The following NFE2L3 variants were observed in gnomAD, a reference collection of about 807,000 sequenced individuals.
NFE2L3 encodes the protein NFE2 like bZIP transcription factor 3.
In NFE2L3, 18 loss-of-function variants were observed where a neutral mutation model predicts 23.5. The observed-to-expected ratio is 0.77, with a 90% CI of 0.53 to 1.13. NFE2L3 has a LOEUF of 1.13. NFE2L3 is among the 50% of genes most tolerant of loss of function. The probability of loss-of-function intolerance (pLI) is 0.00; values close to 1 mark genes in which losing one functional copy is unlikely to be tolerated. For synonymous variants in NFE2L3, 424 were observed against 354.5 expected, an observed-to-expected ratio of 1.20 and a Z score of -2.20; for missense variants, 1,152 against 877.2, an observed-to-expected ratio of 1.31 and a Z score of -3.96.
chr7:26,184,267 T>TAAC (rs764045152), intron 3 of NFE2L3: 26 of 421,638 alleles, frequency 6.2e-5, no homozygotes, highest in Non-Finnish European at 1.1e-4. Flanking sequence ...TACAAGATTG[T>TAAC]AACATTAGAC....
chr7:26,170,455 C>T (rs1236272022), intron 1 of NFE2L3, among the ~76,000 whole-genome samples: 1 of 152,132 alleles, frequency 6.6e-6, no homozygotes, highest in Admixed American at 6.5e-5. Context: ...CTGTGTTTCT[C>T]ACCTTTTAAT....
intron 1 of NFE2L3, among the ~76,000 whole-genome samples, chr7:26,161,682 C>T (rs1784176093): frequency 6.6e-6 from 1 of 152,016 alleles, no homozygotes; most frequent in Non-Finnish European, 1.5e-5. Context: ...AAGTGACTTA[C>T]CAGGTACTTA....
chr7:26,157,823 A>AAGTT (rs1784106293), intron 1 of NFE2L3, among the ~76,000 whole-genome samples: 8 of 152,302 alleles, frequency 5.3e-5, no homozygotes, highest in Middle Eastern at 3.4e-3. Context: ...TTCTGGAGGC[A>AAGTT]AGAAGTCCAA....
Position 26,184,153 on chromosome 7 carries a change from CCT to C in NFE2L3, c.835-374_835-373del, listed in dbSNP as rs1308605389. ...TTAGCGCTTAGAGGCATTTAAACAG[CCT>C]CTCTCCTCCAGACTACTTCACTGTA... is the stretch of plus-strand genomic sequence containing the variant. On this transcript the variant is annotated intron_variant, in intron 3 of 3. Coordinates refer to ENST00000056233, the MANE Select transcript of NFE2L3 (RefSeq NM_004289.7). The C allele has an allele frequency of 1.2e-5, 4 of 327,180 alleles. No individual in the cohort carries two copies. In the South Asian group the frequency reaches 1.4e-4, roughly 11 times the overall value. The allele number at this position is 327,180 out of a possible 1,614,324, so 20.3% of individuals were successfully genotyped here. A position where few individuals can be genotyped will look rare whatever the true frequency, so the allele number is the denominator to read the frequency against.
intron 1 of NFE2L3, among the ~76,000 whole-genome samples, chr7:26,153,283 G>T (rs1784027666): frequency 6.6e-6 from 1 of 152,242 alleles, no homozygotes; most frequent in Non-Finnish European, 1.5e-5. Context: ...AGAAGTGGAC[G>T]AAATCATCCG....
rs1562676283 is a variant in NFE2L3, at chr7:26,178,121, AG to A, written c.750+1del. ...GAAAAGACCACTGAATCTAGAAATG[AG>A]GTAAGCCTGTCAGAATATTCAAGCC... is the stretch of plus-strand genomic sequence containing the variant. The part of the protein sequence containing the change: ...EAEKTTESRN[E>X]RHLNGTDTSF... On this transcript the variant is annotated frameshift_variant and splice_region_variant, in exon 2 of 4. Transcript: ENST00000056233. LOFTEE classifies it high-confidence loss of function. 3 of 1,610,134 alleles carry A rather than the reference AG, an allele frequency of 1.9e-6. No homozygotes were observed. Among genetic ancestry groups the A allele is most frequent in the African/African-American group, 1.3e-5 (1 of 74,702 alleles).
At chr7:26,166,645 G>T (rs900727557) in intron 1 of NFE2L3, among the ~76,000 whole-genome samples, 8 of 152,172 alleles carry the variant, frequency 5.3e-5, no homozygotes, top group South Asian at 2.1e-4. Flanking sequence ...ATAGGGCCTG[G>T]CCTACAGCCA....
chr7:26,154,390 G>A (rs975677754), intron 1 of NFE2L3, among the ~76,000 whole-genome samples: 1 of 152,138 alleles, frequency 6.6e-6, no homozygotes, highest in African/African-American at 2.4e-5. Context: ...ACCTAGTGCT[G>A]GATGCTGTAC....
chr7:26,184,210 A>T, intron 3 of NFE2L3: 1 of 347,310 alleles, frequency 2.9e-6, no homozygotes, highest in Non-Finnish European at 5.3e-6. Context: ...CCACAATGTG[A>T]TTACCAACCG....
chr7:26,174,227 C>T (rs1430508226), intron 1 of NFE2L3: 1 of 152,300 alleles, frequency 6.6e-6, no homozygotes, highest in Non-Finnish European at 1.5e-5. Flanking sequence ...GGTGAAGAAG[C>T]TGTTTCCAGG....
rs1782454636 is a variant in NFE2L3 at position 26,185,341 on chromosome 7, C to CT, written c.1648dup (p.Ser550PhefsTer4). ...CAGCGTGCTAAAGCTTTGCATATCC[C>CT]TTTTTCTGTAGATGAAATTGTCGGC... On this transcript the variant is annotated frameshift_variant, in exon 4 of 4. Transcript: ENST00000056233. LOFTEE classifies it low-confidence loss of function (END_TRUNC). The CT allele has an allele frequency of 1.2e-6, 2 of 1,614,078 alleles. No homozygotes were observed. Among genetic ancestry groups the CT allele is most frequent in the Non-Finnish European group, 1.7e-6 (2 of 1,179,982 alleles).
At chr7:26,160,478 A>T (rs1352875402) in intron 1 of NFE2L3, among the ~76,000 whole-genome samples, 1 of 152,234 alleles carries the variant, frequency 6.6e-6, no homozygotes, top group East Asian at 1.9e-4. Flanking sequence ...ATGAATAAAT[A>T]AATACACATA....
intron 1 of NFE2L3, among the ~76,000 whole-genome samples, chr7:26,164,402 G>A (rs1316140264): frequency 6.6e-6 from 1 of 152,180 alleles, no homozygotes; most frequent in Non-Finnish European, 1.5e-5. Flanking sequence ...TTTCTCTGAT[G>A]GCCAGTGATA....
At chr7:26,155,951 G>A (rs893575058) in intron 1 of NFE2L3, among the ~76,000 whole-genome samples, 1 of 152,140 alleles carries the variant, frequency 6.6e-6, no homozygotes, top group Non-Finnish European at 1.5e-5. Context: ...TTGTAGCTGC[G>A]CTCTTCTGCC....
At chr7:26,182,258 CAG>C (rs1331194275) in intron 2 of NFE2L3, among the ~76,000 whole-genome samples, 1 of 151,976 alleles carries the variant, frequency 6.6e-6, no homozygotes, top group Non-Finnish European at 1.5e-5. Context: ...TGCCATAAGA[CAG>C]AGTACTGAGG....
At chr7:26,162,077 A>G (rs1784181135) in intron 1 of NFE2L3, among the ~76,000 whole-genome samples, 1 of 149,928 alleles carries the variant, frequency 6.7e-6, no homozygotes, top group Non-Finnish European at 1.5e-5. Context: ...CGGGAGGTGG[A>G]GGTTGCAGTG....
intron 1 of NFE2L3, among the ~76,000 whole-genome samples, chr7:26,164,976 T>A (rs1784226554): frequency 6.6e-6 from 1 of 152,240 alleles, no homozygotes; most frequent in African/African-American, 2.4e-5. Flanking sequence ...TGGCATTATT[T>A]CTGAGGGCTC....
chr7:26,153,081 CG>C lies in NFE2L3; in HGVS notation c.570+16del. ...ATGTGCGAGCGAGGTAGGTGCAGAGCGGGAAGCGAGCGAAGTGCGGCGTCTA... is the reference window on the plus strand; with the variant it reads ...ATGTGCGAGCGAGGTAGGTGCAGAGCGGAAGCGAGCGAAGTGCGGCGTCTA... On this transcript the variant is annotated intron_variant, in intron 1 of 3. Transcript: ENST00000056233. 5.9e-6 allele frequency: 9 copies of C among 1,518,380 alleles called. No individual in the cohort carries two copies. Among genetic ancestry groups the C allele is most frequent in the Non-Finnish European group, 7.0e-6 (8 of 1,137,732 alleles). 94.1% of individuals were successfully genotyped at this position (1,518,380 alleles called of 1,614,324 possible).
intron 2 of NFE2L3, among the ~76,000 whole-genome samples, chr7:26,181,222 CCACT>C (rs1201531823): frequency 6.6e-6 from 1 of 152,144 alleles, no homozygotes; most frequent in East Asian, 1.9e-4. Flanking sequence ...AGCAATCTGC[CCACT>C]TTGGCCTCCC....
Sources: gnomAD v4.1 joint callset for allele counts (sites outside exome capture counted in the v4.1 genomes callset) on GRCh38, gnomAD v4.1.1 for gene constraint, MANE v1.5 for transcripts, NCBI Gene and HGNC (gene_info 2026-07-23, HGNC 2026-07-21) for gene names.